SEMA5B: variants seen among roughly 807,000 people sequenced by gnomAD.
SEMA5B encodes the protein semaphorin-5B.
SEMA5B carries 66 observed loss-of-function variants against 135.0 expected under a neutral mutation model. The observed-to-expected ratio is 0.49, with a 90% CI of 0.40 to 0.60. SEMA5B has a LOEUF of 0.60. Among genes scored for constraint, SEMA5B ranks in the 20% least tolerant of loss-of-function variants. The pLI is 0.00. For missense variants in SEMA5B, 1,501 were observed against 1,566.3 expected (o/e 0.96, Z 0.70); for synonymous variants, 690 against 639.5 (o/e 1.08, Z -1.19).
chr3:122,912,452 CATCCACCCG>C (rs1174297323), intron 18 of SEMA5B, 110 bp from the exon 19 acceptor site: 27 of 1,038,634 alleles, frequency 2.6e-5, no homozygotes, highest in Non-Finnish European at 3.6e-5. Flanking sequence ...GTGACCTCAA[CATCCACCCG>C]ATCCACCCGC....
At position 122,912,336 on chromosome 3, in the gene SEMA5B, C is replaced by A. The variant is rs1361915535; in HGVS notation, c.2732G>T (p.Gly911Val). The A allele has an allele frequency of 3.8e-6, 6 of 1,595,712 alleles. No homozygotes were observed. The highest frequency in any genetic ancestry group is 4.3e-6 in the Non-Finnish European group (5 of 1,171,060). Residue 911 changes from glycine to valine, a missense_variant, in exon 19 of 23, where the codon GGT (glycine) becomes GTT (valine). Coordinates refer to ENST00000357599, the MANE Select transcript of SEMA5B (RefSeq NM_001031702.4). The stretch of plus-strand genomic sequence containing the variant: ...CCATGAGGTCCAGCAGGACCAAGCA[C>A]CCCGAACTGCAAGGGGACGGGGTGT... ...DCNPQACPVR[G>V]AWSCWTSWSP...
At chr3:122,911,671 C>T in intron 20 of SEMA5B, 136 bp from the exon 21 acceptor site, 2 of 1,010,546 alleles carry the variant, frequency 2.0e-6, no homozygotes, top group South Asian at 1.7e-5. Flanking sequence ...GGCCTTCATT[C>T]CCCTCCCTCT....
intron 7 of SEMA5B, 22 bp from the exon 8 acceptor site, chr3:122,928,025 G>T (rs780415446): frequency 6.9e-7 from 1 of 1,440,730 alleles, no homozygotes; most frequent in South Asian, 1.6e-5. Flanking sequence ...GGGGAGAAGG[G>T]GACACTTTTC....
At chr3:122,917,510 G>GA (rs1938129693) in intron 12 of SEMA5B, among the ~76,000 whole-genome samples, 1 of 152,152 alleles carries the variant, frequency 6.6e-6, no homozygotes, top group African/African-American at 2.4e-5. Context: ...AGAGTAACCT[G>GA]TCAGGTGAAT....
At chr3:123,016,015 C>A (rs1455199863) in intron 1 of SEMA5B, among the ~76,000 whole-genome samples, 3 of 152,156 alleles carry the variant, frequency 2.0e-5, no homozygotes, top group African/African-American at 7.2e-5. Flanking sequence ...TTTGGTGAGA[C>A]CCAGGTCCAC....
upstream of SEMA5B, among the ~76,000 whole-genome samples, chr3:123,028,145 C>A (rs1283100836): frequency 6.6e-6 from 1 of 152,190 alleles, no homozygotes; most frequent in Non-Finnish European, 1.5e-5. Context: ...GCGCGGCCTG[C>A]CCACCCCAAC....
intron 1 of SEMA5B, among the ~76,000 whole-genome samples, chr3:123,018,117 C>T (rs931165836): frequency 1.3e-5 from 2 of 152,198 alleles, no homozygotes; most frequent in African/African-American, 4.8e-5. Context: ...GTTCCAGCCT[C>T]AGAGCCGCAA....
chr3:122,930,613 C>T (rs1490347173), intron 5 of SEMA5B, among the ~76,000 whole-genome samples: 1 of 152,230 alleles, frequency 6.6e-6, no homozygotes, highest in Non-Finnish European at 1.5e-5. Context: ...GTCCTCGAGT[C>T]TCTGAGCAGA....
chr3:122,967,338 C>G (rs1036147723), intron 1 of SEMA5B, among the ~76,000 whole-genome samples: 1 of 152,206 alleles, frequency 6.6e-6, no homozygotes, highest in African/African-American at 2.4e-5. Flanking sequence ...GACTTCTAAA[C>G]TATCTTCAGA....
intron 1 of SEMA5B, among the ~76,000 whole-genome samples, chr3:123,006,496 A>G (rs1942314366): frequency 6.6e-6 from 1 of 152,232 alleles, no homozygotes; most frequent in African/African-American, 2.4e-5. Flanking sequence ...TTCAACCTTT[A>G]AACTGAATGG....
chr3:122,978,460 C>T (rs1576385524), intron 1 of SEMA5B, among the ~76,000 whole-genome samples: 1 of 152,352 alleles, frequency 6.6e-6, no homozygotes, highest in Middle Eastern at 3.4e-3. Context: ...GCTGTACAAG[C>T]CCATGATGAC....
intron 2 of SEMA5B, among the ~76,000 whole-genome samples, chr3:122,953,367 C>G (rs141327503): frequency 6.6e-6 from 1 of 152,304 alleles, no homozygotes; most frequent in African/African-American, 2.4e-5. Context: ...ATATCCTGGG[C>G]CTCTTCTCCT....
intron 1 of SEMA5B, among the ~76,000 whole-genome samples, chr3:122,966,545 AT>A (rs1211231921): frequency 6.8e-6 from 1 of 147,166 alleles, no homozygotes; most frequent in Admixed American, 6.7e-5. Flanking sequence ...GTTTATTATT[AT>A]TATTATTATT....
At chr3:122,948,046 C>A (rs1939869022) in intron 3 of SEMA5B, among the ~76,000 whole-genome samples, 1 of 152,138 alleles carries the variant, frequency 6.6e-6, no homozygotes, top group African/African-American at 2.4e-5. Context: ...CCTCCCTTGA[C>A]AAATAGAAGG....
chr3:123,015,941 T>C (rs1448521216), intron 1 of SEMA5B, among the ~76,000 whole-genome samples: 1 of 152,246 alleles, frequency 6.6e-6, no homozygotes, highest in African/African-American at 2.4e-5. Context: ...AGACTGTTCA[T>C]CTATGGCTTC....
At chr3:122,989,575 C>A (rs1392843138) in intron 1 of SEMA5B, among the ~76,000 whole-genome samples, 1 of 152,190 alleles carries the variant, frequency 6.6e-6, no homozygotes, top group Non-Finnish European at 1.5e-5. Context: ...TTTGGGTAAT[C>A]CTCATGTCAC....
At chr3:122,976,592 T>A (rs1216940491) in intron 1 of SEMA5B, among the ~76,000 whole-genome samples, 1 of 152,240 alleles carries the variant, frequency 6.6e-6, no homozygotes, top group East Asian at 1.9e-4. Context: ...GACTGCACAG[T>A]GAACACCTGT....
rs567982450 is a variant in SEMA5B at position 122,968,647 on chromosome 3, A to G, written c.-38-7346T>C. On this transcript the variant is annotated intron_variant, in intron 1 of 22. Transcript: ENST00000357599. The stretch of plus-strand genomic sequence containing the variant: ...GTCAGTTTGGATCTTCCTATGGTTA[A>G]TAATGTCTCTGTGGGCATCTGAGGT... 2.4e-4 allele frequency among the ~76,000 whole-genome samples: 36 copies of G among 152,314 alleles called. No individual in the cohort carries two copies. The Middle Eastern group carries it at 0.01, about 43-fold the overall frequency.
rs186291951 is a variant in SEMA5B at position 123,003,633 on chromosome 3, A to G, written c.-39+23831T>C. Among the ~76,000 whole-genome samples, 35 of 152,168 alleles carry G rather than the reference A, an allele frequency of 2.3e-4. No individual in the cohort carries two copies. In the East Asian group the frequency reaches 6.6e-3, roughly 29 times the overall value. ...GCGAATCACGAGGTCAGGAGTTCGA[A>G]ACAAGCCTGGCTAACATGGTGAAAC... On this transcript the variant is annotated intron_variant, in intron 1 of 22. Coordinates refer to ENST00000357599, the MANE Select transcript of SEMA5B (RefSeq NM_001031702.4).
Sources: allele counts gnomAD v4.1 joint callset (sites outside exome capture counted in the v4.1 genomes callset), GRCh38; gene constraint gnomAD v4.1.1; transcripts MANE v1.5; gene names NCBI Gene and HGNC (gene_info 2026-07-23, HGNC 2026-07-21).